The following LRP1B variants were observed in gnomAD, a reference collection of about 807,000 sequenced individuals.
LRP1B encodes LDL receptor related protein 1B, also known as low-density lipoprotein receptor-related protein 1B.
LRP1B carries 217 observed loss-of-function variants against 556.6 expected under a neutral mutation model. The ratio of observed to expected loss-of-function variants is 0.39; its 90% CI spans 0.35 to 0.44. LRP1B has a LOEUF of 0.44. LRP1B is among the 20% of genes least tolerant of loss of function. The pLI is 1.00. For missense variants in LRP1B, 5,053 were observed against 5,620.8 expected (o/e 0.90, Z 3.23); for synonymous variants, 2,047 against 1,865.8 (o/e 1.10, Z -2.50).
intron 66 of LRP1B, among the ~76,000 whole-genome samples, chr2:140,389,489 A>T (rs555866712): frequency 3.3e-5 from 5 of 151,242 alleles, no homozygotes; most frequent in South Asian, 4.1e-4. Context: ...TTATATTTTT[A>T]TATGTTAGCA....
At chr2:140,814,361 T>C (rs1215293907) in intron 31 of LRP1B, among the ~76,000 whole-genome samples, 1 of 152,146 alleles carries the variant, frequency 6.6e-6, no homozygotes, top group East Asian at 1.9e-4. Context: ...CAACATAATC[T>C]GTGCCACCAA....
chr2:142,028,534 A>G (rs1405122587), intron 1 of LRP1B, among the ~76,000 whole-genome samples: 1 of 152,012 alleles, frequency 6.6e-6, no homozygotes. Flanking sequence ...GTAATATTCC[A>G]AACTATGGAT....
At chr2:141,120,932 C>A (rs12691592) in intron 7 of LRP1B, among the ~76,000 whole-genome samples, 44,601 of 151,814 alleles carry the variant, frequency 0.29, 6,792 homozygotes, top group East Asian at 0.48. Flanking sequence ...CAACTCTGCC[C>A]TAATAGCTTC....
intron 3 of LRP1B, among the ~76,000 whole-genome samples, chr2:141,258,347 G>A (rs1851162): frequency 0.099 from 14,977 of 152,000 alleles, 859 homozygotes; most frequent in East Asian, 0.16. Context: ...TTAGCTGGGC[G>A]TGGTGGTGTG....
At chr2:140,372,515 T>G (rs1215304609) in intron 69 of LRP1B, among the ~76,000 whole-genome samples, 1 of 152,156 alleles carries the variant, frequency 6.6e-6, no homozygotes, top group Non-Finnish European at 1.5e-5. Flanking sequence ...ACCTAGCACA[T>G]AAATTGAGTA....
chr2:141,474,057 C>CCT (rs1682606496), intron 3 of LRP1B, among the ~76,000 whole-genome samples: 2 of 54,566 alleles, frequency 3.7e-5, no homozygotes, highest in African/African-American at 1.0e-4. Context: ...TCCTTCCTTC[C>CCT]TCCCTCCCTC....
intron 82 of LRP1B, among the ~76,000 whole-genome samples, chr2:140,316,455 G>A (rs1157829322): frequency 6.6e-6 from 1 of 152,074 alleles, no homozygotes; most frequent in African/African-American, 2.4e-5. Flanking sequence ...ATACAATTCT[G>A]AGACTTGCCT....
chr2:140,514,790 GGA>G lies in LRP1B; in HGVS notation c.8150-20_8150-19del. ...AGAAGAATCTAGGAAACAAACAAAA[GGA>G]AAAAAAAAAATAGTTTGAGACCGTC... On this transcript the variant is annotated intron_variant, in intron 50 of 90. Coordinates refer to ENST00000389484, the MANE Select transcript of LRP1B (RefSeq NM_018557.3). 6.3e-7 allele frequency: 1 copy of G among 1,575,010 alleles called. No individual in the cohort carries two copies. Among genetic ancestry groups the G allele is most frequent in the African/African-American group, 1.4e-5 (1 of 70,944 alleles).
At chr2:140,722,493 A>G (rs1448064558) in intron 35 of LRP1B, among the ~76,000 whole-genome samples, 2 of 152,128 alleles carry the variant, frequency 1.3e-5, no homozygotes, top group Admixed American at 1.3e-4. Context: ...TCTCCCCTTC[A>G]TATCTGGCTA....
chr2:140,395,781 T>C (rs958700482), intron 66 of LRP1B, among the ~76,000 whole-genome samples: 1 of 152,232 alleles, frequency 6.6e-6, no homozygotes, highest in Non-Finnish European at 1.5e-5. Flanking sequence ...CAATGCAATG[T>C]AATATTCAGT....
At chr2:141,209,040 A>G (rs1682425571) in intron 6 of LRP1B, among the ~76,000 whole-genome samples, 1 of 152,140 alleles carries the variant, frequency 6.6e-6, no homozygotes, top group South Asian at 2.1e-4. Context: ...CACTCATATT[A>G]CATCCTTAGA....
At chr2:141,062,318 A>G (rs771856111) in intron 7 of LRP1B, 45 bp from the exon 8 acceptor site, 79 of 1,368,028 alleles carry the variant, frequency 5.8e-5, no homozygotes, top group Non-Finnish European at 7.4e-5. Flanking sequence ...TGGGGGAGGG[A>G]AGCACGTTTG....
At chr2:140,767,918 T>C (rs575946384) in intron 35 of LRP1B, among the ~76,000 whole-genome samples, 1 of 151,974 alleles carries the variant, frequency 6.6e-6, no homozygotes, top group East Asian at 1.9e-4. Context: ...ACTTAACAAA[T>C]CCTATATGAT....
At chr2:141,889,128 A>G (rs1056162578) in intron 1 of LRP1B, among the ~76,000 whole-genome samples, 7 of 152,128 alleles carry the variant, frequency 4.6e-5, no homozygotes, top group Non-Finnish European at 1.0e-4. Flanking sequence ...GTGTTCACAG[A>G]CACCAAAAGT....
chr2:140,335,539 G>C, intron 78 of LRP1B, 76 bp downstream of exon 78: 1 of 892,090 alleles, frequency 1.1e-6, no homozygotes, highest in Middle Eastern at 2.3e-4. Context: ...TCATTACAGA[G>C]ACAAAATCTA....
At chr2:140,545,278 T>G (rs1242585141) in intron 43 of LRP1B, among the ~76,000 whole-genome samples, 2 of 152,044 alleles carry the variant, frequency 1.3e-5, no homozygotes, top group African/African-American at 4.8e-5. Context: ...TGTGGAGAGC[T>G]CTTTAGTTTA....
At chr2:142,030,055 C>T (rs141571844) in intron 1 of LRP1B, among the ~76,000 whole-genome samples, 2 of 148,734 alleles carry the variant, frequency 1.3e-5, no homozygotes, top group African/African-American at 4.9e-5. Flanking sequence ...AAAAACTCTG[C>T]AAGTTGCTTG....
At chr2:140,718,849 T>C (rs909649024) in intron 35 of LRP1B, among the ~76,000 whole-genome samples, 2 of 145,036 alleles carry the variant, frequency 1.4e-5, no homozygotes, top group African/African-American at 5.1e-5. Context: ...ACAAGAGTCT[T>C]CACATATTTT....
At chr2:140,892,564 C>G (rs1693829293) in intron 23 of LRP1B, among the ~76,000 whole-genome samples, 1 of 152,130 alleles carries the variant, frequency 6.6e-6, no homozygotes, top group Non-Finnish European at 1.5e-5. Context: ...GATGCGGGAA[C>G]TTAGTGAACT....
Sources: gnomAD v4.1 joint callset for allele counts (sites outside exome capture counted in the v4.1 genomes callset) on GRCh38, gnomAD v4.1.1 for gene constraint, MANE v1.5 for transcripts, NCBI Gene and HGNC (gene_info 2026-07-23, HGNC 2026-07-21) for gene names.